Variants in PREX1 observed in about 807,000 individuals in gnomAD.
The protein encoded by PREX1 is phosphatidylinositol-3,4,5-trisphosphate dependent Rac exchange factor 1, also known as phosphatidylinositol 3,4,5-trisphosphate-dependent Rac exchanger 1 protein.
Under a neutral mutation model 198.3 loss-of-function variants are expected in PREX1, and 41 were observed. The ratio of observed to expected loss-of-function variants is 0.21; its 90% CI spans 0.16 to 0.27. The LOEUF is 0.27. Ranked by LOEUF, PREX1 falls within the 10% of genes least tolerant of loss-of-function variation. The probability of loss-of-function intolerance (pLI) is 1.00; values close to 1 mark genes in which losing one functional copy is unlikely to be tolerated. For missense variants in PREX1, 1,620 were observed against 2,200.7 expected, an observed-to-expected ratio of 0.74 and a Z score of 5.28; for synonymous variants, 843 against 887.2, an observed-to-expected ratio of 0.95 and a Z score of 0.89.
At chr20:48,778,272 C>T (rs760770441) in intron 1 of PREX1, among the ~76,000 whole-genome samples, 1 of 152,070 alleles carries the variant, frequency 6.6e-6, no homozygotes, top group Non-Finnish European at 1.5e-5. Context: ...TTCACATTAT[C>T]CAGTTTTAAG....
rs571041612 is a variant in PREX1, at chr20:48,758,144, C to T, written c.220-10264G>A. On this transcript the variant is annotated intron_variant, in intron 1 of 39. Coordinates refer to ENST00000371941, the MANE Select transcript of PREX1 (RefSeq NM_020820.4). ...AGGTGGAACCAAGAAGGGAAGGCAG[C>T]CCACGAAGGGTATGAGACCAAGCAA... 5.3e-5 allele frequency among the ~76,000 whole-genome samples: 8 copies of T among 152,250 alleles called. No homozygotes were observed. In the South Asian group the frequency reaches 1.7e-3, roughly 32 times the overall value.
chr20:48,829,308 A>C (rs1258910820), upstream of PREX1, among the ~76,000 whole-genome samples: 1 of 152,178 alleles, frequency 6.6e-6, no homozygotes, highest in Non-Finnish European at 1.5e-5. Flanking sequence ...TCTGCAGGGG[A>C]TAAAGTGATC....
intron 6 of PREX1, among the ~76,000 whole-genome samples, chr20:48,706,869 A>C (rs1467533861): frequency 6.6e-6 from 1 of 152,196 alleles, no homozygotes; most frequent in Non-Finnish European, 1.5e-5. Context: ...CGAGGGCCCC[A>C]GGAAACCAGC....
intron 1 of PREX1, among the ~76,000 whole-genome samples, chr20:48,764,003 C>G (rs2090196516): frequency 6.6e-6 from 1 of 152,202 alleles, no homozygotes; most frequent in Non-Finnish European, 1.5e-5. Context: ...GCTAAGCAGA[C>G]AAAGCTGGCC....
chr20:48,845,605 G>A, the PREX1 span, among the ~76,000 whole-genome samples: 1 of 152,030 alleles, frequency 6.6e-6, no homozygotes, highest in Non-Finnish European at 1.5e-5. Flanking sequence ...TGGAGGCTGA[G>A]GTGGAAGGAT....
At chr20:48,874,966 C>T in the PREX1 span, among the ~76,000 whole-genome samples, 1 of 152,034 alleles carries the variant, frequency 6.6e-6, no homozygotes, top group Non-Finnish European at 1.5e-5. Context: ...ATCTGTCTGT[C>T]TCAAAGCTGT....
intron 10 of PREX1, among the ~76,000 whole-genome samples, chr20:48,688,173 A>C (rs1449586961): frequency 6.6e-6 from 1 of 152,098 alleles, no homozygotes; most frequent in Non-Finnish European, 1.5e-5. Flanking sequence ...ACCTGTGTTC[A>C]ATACCTCTCT....
intron 3 of PREX1, among the ~76,000 whole-genome samples, chr20:48,740,424 GA>G (rs759673788): frequency 3.9e-5 from 6 of 152,224 alleles, no homozygotes; most frequent in Non-Finnish European, 7.3e-5. Flanking sequence ...ACCCACTCCT[GA>G]GGACAGCCCA....
chr20:48,714,321 G>A (rs1002403198), intron 5 of PREX1, among the ~76,000 whole-genome samples: 9 of 152,038 alleles, frequency 5.9e-5, no homozygotes, highest in African/African-American at 2.2e-4. Flanking sequence ...TAAAAGGAAG[G>A]GAAAAGACAA....
rs115022074 is a variant in PREX1, at chr20:48,804,686, G to A, written c.219+22956C>T. Among the ~76,000 whole-genome samples, 455 of 152,356 alleles carry A rather than the reference G, an allele frequency of 3.0e-3. 2 individuals are homozygous for A. The highest frequency in any genetic ancestry group is 0.01 in the African/African-American group (425 of 41,584). On this transcript the variant is annotated intron_variant, in intron 1 of 39. Transcript: ENST00000371941. ...GGAAGCATGGGACAAGGGAGGAGAC[G>A]ACTGCAAGAGTCCCAGCAGGAGACC...
At chr20:48,745,245 T>C in intron 2 of PREX1, 98 bp from the exon 3 acceptor site, 1 of 1,353,620 alleles carries the variant, frequency 7.4e-7, no homozygotes, top group Non-Finnish European at 1.0e-6. Flanking sequence ...GGTGACATTG[T>C]AGTCAAAGAA....
At chr20:48,817,702 C>G (rs1473786782) in intron 1 of PREX1, among the ~76,000 whole-genome samples, 1 of 152,186 alleles carries the variant, frequency 6.6e-6, no homozygotes, top group Non-Finnish European at 1.5e-5. Flanking sequence ...AGTCAAAAGA[C>G]ACCAGACCAT....
chr20:48,657,271 AG>A, intron 17 of PREX1, 83 bp from the exon 18 acceptor site: 1 of 1,501,528 alleles, frequency 6.7e-7, no homozygotes, highest in Non-Finnish European at 9.1e-7. Flanking sequence ...AAATGTGTTC[AG>A]CAGAAGGGTG....
At chr20:48,709,507 G>A (rs756430328) in intron 5 of PREX1, among the ~76,000 whole-genome samples, 2 of 152,232 alleles carry the variant, frequency 1.3e-5, no homozygotes, top group Non-Finnish European at 2.9e-5. Flanking sequence ...TGAGGATGAT[G>A]GTGATGACGA....
chr20:48,747,691 G>T, intron 2 of PREX1, 118 bp downstream of exon 2: 1 of 1,169,928 alleles, frequency 8.5e-7, no homozygotes, highest in Non-Finnish European at 1.2e-6. Flanking sequence ...CTGGCGGCCA[G>T]CAGCCAGCGG....
intron 1 of PREX1, among the ~76,000 whole-genome samples, chr20:48,810,251 A>C (rs2090428194): frequency 6.6e-6 from 1 of 152,094 alleles, no homozygotes; most frequent in African/African-American, 2.4e-5. Flanking sequence ...CAAGGGTTAG[A>C]AGAAACATTC....
chr20:48,724,808 T>A (rs574122105), intron 5 of PREX1, among the ~76,000 whole-genome samples: 1 of 152,334 alleles, frequency 6.6e-6, no homozygotes, highest in Admixed American at 6.5e-5. Context: ...ACAAAGCACA[T>A]CTGCAGGCCC....
chr20:48,684,643 C>A lies in PREX1; in HGVS notation c.1335-3308G>T, dbSNP rs563852647. ...CATACCTGGTAACCCTGAGCTCCGACAGCTCCACCAATGCCCTCGATCTGG... is the reference window on the plus strand; with the variant it reads ...CATACCTGGTAACCCTGAGCTCCGAAAGCTCCACCAATGCCCTCGATCTGG... On this transcript the variant is annotated intron_variant, in intron 10 of 39. Transcript: ENST00000371941. The surrounding 1 kb of genome is among the most constrained non-coding windows in gnomAD (Gnocchi z 4.2). Among the ~76,000 whole-genome samples the A allele has an allele frequency of 6.6e-6, 1 of 152,364 alleles. No individual in the cohort carries two copies. Among genetic ancestry groups the A allele is most frequent in the African/African-American group, 2.4e-5 (1 of 41,588 alleles).
chr20:48,668,551 A>AC (rs1291278973), intron 14 of PREX1, among the ~76,000 whole-genome samples: 1 of 152,156 alleles, frequency 6.6e-6, no homozygotes, highest in Admixed American at 6.5e-5. Flanking sequence ...CCCCGCCTGT[A>AC]CCCTCCCGTC....
Sources: gnomAD v4.1 joint callset for allele counts (sites outside exome capture counted in the v4.1 genomes callset) on GRCh38, gnomAD v4.1.1 for gene constraint, Gnocchi (gnomAD v3.1) non-coding constraint, MANE v1.5 for transcripts, NCBI Gene and HGNC (gene_info 2026-07-23, HGNC 2026-07-21) for gene names.